Variants in STIM1 observed in about 807,000 individuals in gnomAD.
STIM1 encodes stromal interaction molecule 1.
A neutral mutation model predicts 74.7 loss-of-function variants in STIM1; 25 were observed. The observed-to-expected ratio is 0.33, with a 90% CI of 0.24 to 0.47. The LOEUF (loss-of-function observed/expected upper bound fraction) is 0.47, where lower values mean the gene tolerates loss of function less well. Among genes scored for constraint, STIM1 ranks in the 20% least tolerant of loss-of-function variants. The pLI, the probability that STIM1 is intolerant of heterozygous loss-of-function variation, is 1.00. For missense variants in STIM1, 728 were observed against 920.8 expected, an observed-to-expected ratio of 0.79 and a Z score of 2.71; for synonymous variants, 328 against 348.8, an observed-to-expected ratio of 0.94 and a Z score of 0.66.
At chr11:3,943,089 C>T (rs1297095957) in intron 1 of STIM1, among the ~76,000 whole-genome samples, 1 of 152,196 alleles carries the variant, frequency 6.6e-6, no homozygotes, top group Non-Finnish European at 1.5e-5. Context: ...CTCTAGTCTG[C>T]TCTTAGAGAG....
At chr11:3,921,170 A>G (rs73425485) in intron 1 of STIM1, among the ~76,000 whole-genome samples, 1,957 of 152,266 alleles carry the variant, frequency 0.013, 45 homozygotes, top group African/African-American at 0.045. Flanking sequence ...CTGCCCCTGT[A>G]AAACTGGATT....
chr11:3,997,606 A>C (rs2093674768), intron 2 of STIM1, among the ~76,000 whole-genome samples: 1 of 152,212 alleles, frequency 6.6e-6, no homozygotes, highest in Non-Finnish European at 1.5e-5. Context: ...TCAACAGATG[A>C]CTAGGAGTGA....
In STIM1 at chr11:4,086,518, C is replaced by T. The variant is rs1228842060; in HGVS notation, c.1609C>T (p.Pro537Ser). ...CAGTGTTCGGCAGCGCCTGACGGAG[C>T]CACAGCATGGCCTGGGATCTCAGAG... ...QSSVRQRLTE[P>S]QHGLGSQRDL... Residue 537 changes from proline to serine, a missense_variant, in exon 12 of 13, where the codon CCA becomes TCA. Transcript: ENST00000526596. 1.9e-6 allele frequency: 3 copies of T among 1,614,080 alleles called. No individual in the cohort carries two copies. The Admixed American group carries it at 5.0e-5, about 27-fold the overall frequency.
chr11:4,051,089 A>G (rs1476411242), intron 3 of STIM1, among the ~76,000 whole-genome samples: 1 of 151,386 alleles, frequency 6.6e-6, no homozygotes, highest in Non-Finnish European at 1.5e-5. Context: ...TATACCTTTT[A>G]TTGAAAAAAA....
chr11:4,063,977 G>C (rs557443625), intron 5 of STIM1, among the ~76,000 whole-genome samples: 1 of 152,086 alleles, frequency 6.6e-6, no homozygotes, highest in Non-Finnish European at 1.5e-5. Flanking sequence ...TTCTGTGCTT[G>C]GTCCTTGCCT....
At chr11:3,949,510 G>A (rs2093119434) in intron 1 of STIM1, among the ~76,000 whole-genome samples, 1 of 152,084 alleles carries the variant, frequency 6.6e-6, no homozygotes. Context: ...CCCTGAAAGG[G>A]GTCCTTGAGG....
intron 1 of STIM1, among the ~76,000 whole-genome samples, chr11:3,857,268 T>C (rs1276233446): frequency 6.6e-6 from 1 of 151,944 alleles, no homozygotes; most frequent in South Asian, 2.1e-4. Context: ...TTTTGTTTTT[T>C]TGAGACAGGG....
intron 1 of STIM1, among the ~76,000 whole-genome samples, chr11:3,905,796 C>T (rs948370060): frequency 3.3e-5 from 5 of 152,198 alleles, no homozygotes; most frequent in Non-Finnish European, 7.3e-5. Context: ...TTCTGCTTCC[C>T]AGTGCTATTT....
chr11:4,003,648 A>G (rs1246843888), intron 2 of STIM1, among the ~76,000 whole-genome samples: 4 of 152,144 alleles, frequency 2.6e-5, no homozygotes, highest in African/African-American at 9.7e-5. Flanking sequence ...AATGGGCAAA[A>G]ACTGGAAGCA....
chr11:3,907,389 A>C (rs2092482516), intron 1 of STIM1, among the ~76,000 whole-genome samples: 1 of 152,244 alleles, frequency 6.6e-6, no homozygotes, highest in African/African-American at 2.4e-5. Flanking sequence ...CATTTTAGAT[A>C]TCTAATAGGC....
chr11:4,039,392 G>A (rs2094129781), intron 3 of STIM1, among the ~76,000 whole-genome samples: 1 of 151,970 alleles, frequency 6.6e-6, no homozygotes, highest in South Asian at 2.1e-4. Context: ...TTCAAGATCA[G>A]CTTGGCCAAC....
At chr11:4,014,254 T>C (rs575913033) in intron 2 of STIM1, among the ~76,000 whole-genome samples, 32 of 152,366 alleles carry the variant, frequency 2.1e-4, no homozygotes, top group African/African-American at 7.5e-4. Flanking sequence ...GTTGTGTCTT[T>C]GTTCTCATTG....
chr11:4,002,385 G>C (rs1002876507), intron 2 of STIM1, among the ~76,000 whole-genome samples: 4 of 152,132 alleles, frequency 2.6e-5, no homozygotes, highest in African/African-American at 4.8e-5. Context: ...ATAACAAACT[G>C]TCTCTCAGAC....
intron 3 of STIM1, among the ~76,000 whole-genome samples, chr11:4,050,077 A>G (rs1238014468): frequency 6.6e-6 from 1 of 152,206 alleles, no homozygotes; most frequent in African/African-American, 2.4e-5. Flanking sequence ...AGACACCAGT[A>G]TAGTGGAAAA....
intron 2 of STIM1, among the ~76,000 whole-genome samples, chr11:4,019,931 A>T (rs1043814480): frequency 6.6e-6 from 1 of 152,034 alleles, no homozygotes; most frequent in African/African-American, 2.4e-5. Context: ...CCCACTGACC[A>T]ATCTCTCCCC....
At chr11:4,077,495 TAAGGATATAAAA>T (rs1260350550) in intron 7 of STIM1, among the ~76,000 whole-genome samples, 1 of 152,130 alleles carries the variant, frequency 6.6e-6, no homozygotes, top group East Asian at 1.9e-4. Context: ...ACAGCATCCA[TAAGGATATAAAA>T]AATTTAAAAA....
chr11:4,003,895 G>A (rs187562750), intron 2 of STIM1, among the ~76,000 whole-genome samples: 3 of 151,962 alleles, frequency 2.0e-5, no homozygotes, highest in Non-Finnish European at 4.4e-5. Context: ...CAAAGTCTCA[G>A]GATAAAAAAA....
At chr11:3,930,723 G>C (rs986548977) in intron 1 of STIM1, among the ~76,000 whole-genome samples, 2 of 152,184 alleles carry the variant, frequency 1.3e-5, no homozygotes, top group Non-Finnish European at 2.9e-5. Flanking sequence ...CATACAAATT[G>C]TTTTTCATTC....
chr11:4,035,089 A>G (rs1249100104), intron 3 of STIM1, among the ~76,000 whole-genome samples: 11 of 151,896 alleles, frequency 7.2e-5, no homozygotes, highest in Admixed American at 4.6e-4. Context: ...TTTGATCTGT[A>G]TTATTTTCTT....
Sources: allele counts gnomAD v4.1 joint callset (sites outside exome capture counted in the v4.1 genomes callset), GRCh38; gene constraint gnomAD v4.1.1; transcripts MANE v1.5; gene names NCBI Gene and HGNC (gene_info 2026-07-23, HGNC 2026-07-21).